Variants in PDE4D observed in about 807,000 individuals in gnomAD.
PDE4D encodes phosphodiesterase 4D, also known as 3',5'-cyclic-AMP phosphodiesterase 4D.
PDE4D carries 24 observed loss-of-function variants against 87.4 expected under a neutral mutation model. That is an observed-to-expected ratio of 0.27 (90% CI 0.20 to 0.39). PDE4D has a LOEUF of 0.39. PDE4D is among the 10% of genes least tolerant of loss of function. PDE4D has a pLI of 1.00. For synonymous variants in PDE4D, 384 were observed against 383.2 expected, an observed-to-expected ratio of 1.00 and a Z score of -0.02; for missense variants, 714 against 1,041.0, an observed-to-expected ratio of 0.69 and a Z score of 4.32.
At chr5:59,114,870 T>A (rs1434279196) in intron 5 of PDE4D, among the ~76,000 whole-genome samples, 1 of 141,666 alleles carries the variant, frequency 7.1e-6, no homozygotes, top group African/African-American at 2.7e-5. Context: ...TTCAAGGGGG[T>A]AGAGGAATAA....
chr5:59,791,133 C>A (rs1189465893), intron 1 of PDE4D, among the ~76,000 whole-genome samples: 1 of 152,166 alleles, frequency 6.6e-6, no homozygotes, highest in African/African-American at 2.4e-5. Flanking sequence ...CCTAATTGTT[C>A]CTAATGTCAA....
At chr5:59,020,693 GAA>G (rs1311668774) in intron 6 of PDE4D, among the ~76,000 whole-genome samples, 6 of 151,234 alleles carry the variant, frequency 4.0e-5, no homozygotes, top group Admixed American at 2.6e-4. Context: ...ACAATAAAAG[GAA>G]AGAGACTTCT....
chr5:60,247,024 T>C (rs1251746651), intron 1 of PDE4D, among the ~76,000 whole-genome samples: 1 of 152,034 alleles, frequency 6.6e-6, no homozygotes, highest in Non-Finnish European at 1.5e-5. Flanking sequence ...TACAAATCCA[T>C]AGAGATGTGT....
At chr5:60,166,447 C>T (rs2149473070) in intron 2 of PDE4D, among the ~76,000 whole-genome samples, 1 of 152,310 alleles carries the variant, frequency 6.6e-6, no homozygotes, top group South Asian at 2.1e-4. Flanking sequence ...TTCTCCCAAA[C>T]ACATTTTGAA....
At chr5:60,398,984 C>A (rs1211946015) in intron 1 of PDE4D, among the ~76,000 whole-genome samples, 1 of 152,158 alleles carries the variant, frequency 6.6e-6, no homozygotes, top group Admixed American at 6.6e-5. Flanking sequence ...ATGAGGCATA[C>A]ATCCCAAAAT....
At position 58,974,720 on chromosome 5, in the gene PDE4D, C is replaced by T. The variant is rs1743278323; in HGVS notation, c.2374G>A (p.Glu792Lys). ...CAGGCTTCAGGCTGGCTTTCCTCTT[C>T]TTCCCCTACTGCCTCCTCTTCAACC... ...EQVEEEAVGEEEESQPEACVI... is the reference protein window; with the variant it reads ...EQVEEEAVGEKEESQPEACVI... The change falls in exon 15 of 15, where the codon GAA becomes AAA. Residue 792 changes from glutamate to lysine, a missense_variant. By Grantham distance (56) the Glu-to-Lys change is moderately conservative. Transcript: ENST00000340635. The T allele has an allele frequency of 1.9e-6, 3 of 1,612,088 alleles. No homozygotes were observed. Among genetic ancestry groups the T allele is most frequent in the South Asian group, 1.1e-5 (1 of 90,846 alleles).
Position 60,089,590 on chromosome 5 carries a change from T to C in PDE4D, c.42+95967A>G, listed in dbSNP as rs116739446. Among the ~76,000 whole-genome samples the C allele has an allele frequency of 8.8e-3, 1,328 of 151,714 alleles. 18 individuals are homozygous for C. The highest frequency in any genetic ancestry group is 0.031 in the African/African-American group (1,265 of 41,424). ...AGCAATCAACACCTACATCAAAAAG[T>C]AGAAAGACTTCAAACAAACAACCTA... On this transcript the variant is annotated intron_variant, in intron 2 of 16. Transcript: ENST00000502484.
chr5:59,058,169 G>T (rs1762618175), intron 5 of PDE4D, among the ~76,000 whole-genome samples: 1 of 152,110 alleles, frequency 6.6e-6, no homozygotes. Flanking sequence ...CACTTCCCCT[G>T]TTAAGGCTTC....
chr5:60,065,799 G>T (rs1562048323), intron 2 of PDE4D, among the ~76,000 whole-genome samples: 1 of 152,166 alleles, frequency 6.6e-6, no homozygotes, highest in Non-Finnish European at 1.5e-5. Context: ...ATTCCATGGT[G>T]TATATGTGCC....
intron 1 of PDE4D, among the ~76,000 whole-genome samples, chr5:60,240,855 A>C (rs1189614615): frequency 1.3e-5 from 2 of 152,148 alleles, no homozygotes; most frequent in Non-Finnish European, 2.9e-5. Context: ...TATGGCTTAG[A>C]TCATAATACC....
chr5:60,323,608 G>T (rs997763084), intron 1 of PDE4D, among the ~76,000 whole-genome samples: 1 of 152,140 alleles, frequency 6.6e-6, no homozygotes, highest in Non-Finnish European at 1.5e-5. Flanking sequence ...GCTAAAAAGA[G>T]CTGTCTAAAT....
intron 1 of PDE4D, among the ~76,000 whole-genome samples, chr5:59,711,951 C>T (rs1277923694): frequency 6.6e-6 from 1 of 152,064 alleles, no homozygotes; most frequent in Non-Finnish European, 1.5e-5. Flanking sequence ...CTTTCATTAG[C>T]TCTCATATTT....
At chr5:59,550,999 T>A (rs1157955542) in intron 1 of PDE4D, among the ~76,000 whole-genome samples, 1 of 152,122 alleles carries the variant, frequency 6.6e-6, no homozygotes, top group Non-Finnish European at 1.5e-5. Context: ...CCTGGACGAT[T>A]TCTAAGGATT....
chr5:59,114,318 T>C (rs1455560423), intron 5 of PDE4D, among the ~76,000 whole-genome samples: 1 of 152,006 alleles, frequency 6.6e-6, no homozygotes, highest in East Asian at 1.9e-4. Flanking sequence ...ATTTATAGAG[T>C]TTTGATGCTT....
intron 1 of PDE4D, among the ~76,000 whole-genome samples, chr5:59,850,442 C>G (rs1009668976): frequency 6.6e-6 from 1 of 152,028 alleles, no homozygotes; most frequent in Non-Finnish European, 1.5e-5. Flanking sequence ...ATTGAACTAT[C>G]CAATGTGTGA....
At chr5:59,532,221 G>A (rs1814366815) in intron 1 of PDE4D, among the ~76,000 whole-genome samples, 1 of 152,044 alleles carries the variant, frequency 6.6e-6, no homozygotes, top group Non-Finnish European at 1.5e-5. Flanking sequence ...TGTAACCTCT[G>A]CCTCCTGGGT....
At chr5:59,122,654 A>G (rs903962898) in intron 5 of PDE4D, among the ~76,000 whole-genome samples, 6 of 152,260 alleles carry the variant, frequency 3.9e-5, no homozygotes, top group Non-Finnish European at 8.8e-5. Flanking sequence ...AAATATATAC[A>G]GTAATTATGC....
chr5:60,059,245 T>TC (rs370995601), intron 2 of PDE4D, among the ~76,000 whole-genome samples: 9 of 152,070 alleles, frequency 5.9e-5, no homozygotes, highest in African/African-American at 2.2e-4. Context: ...TCTTTCCACT[T>TC]CCCAGTTTCT....
intron 1 of PDE4D, among the ~76,000 whole-genome samples, chr5:60,426,781 G>A (rs919717571): frequency 2.6e-5 from 4 of 152,096 alleles, no homozygotes; most frequent in Admixed American, 2.6e-4. Flanking sequence ...ATCTAAAGCA[G>A]CTTTTGTAAA....
Sources: allele counts gnomAD v4.1 joint callset (sites outside exome capture counted in the v4.1 genomes callset), GRCh38; gene constraint gnomAD v4.1.1; transcripts MANE v1.5; gene names NCBI Gene and HGNC (gene_info 2026-07-23, HGNC 2026-07-21).